ATXN7L1: variants seen among roughly 807,000 people sequenced by gnomAD.
ATXN7L1 encodes the protein ataxin 7 like 1.
Under a neutral mutation model 70.8 loss-of-function variants are expected in ATXN7L1, and 15 were observed. The observed-to-expected ratio is 0.21, with a 90% CI of 0.14 to 0.33. ATXN7L1 has a LOEUF of 0.33. Ranked by LOEUF, ATXN7L1 falls within the 10% of genes least tolerant of loss-of-function variation. ATXN7L1 has a pLI of 1.00. For synonymous variants in ATXN7L1, 440 were observed against 445.1 expected, an observed-to-expected ratio of 0.99 and a Z score of 0.14; for missense variants, 975 against 1,097.1, an observed-to-expected ratio of 0.89 and a Z score of 1.57.
At chr7:105,734,854 G>C (rs2116343653) in intron 3 of ATXN7L1, among the ~76,000 whole-genome samples, 1 of 152,182 alleles carries the variant, frequency 6.6e-6, no homozygotes, top group East Asian at 1.9e-4. Flanking sequence ...GACAAAGCAA[G>C]AAGGTAAAGG....
intron 7 of ATXN7L1, among the ~76,000 whole-genome samples, chr7:105,632,174 A>G (rs1253149497): frequency 6.6e-6 from 1 of 152,228 alleles, no homozygotes; most frequent in African/African-American, 2.4e-5. Context: ...AGACTGCCCA[A>G]CCAAACATCA....
chr7:105,850,758 G>A (rs1814759520), intron 2 of ATXN7L1, among the ~76,000 whole-genome samples: 1 of 152,178 alleles, frequency 6.6e-6, no homozygotes, highest in Non-Finnish European at 1.5e-5. Context: ...GCCTGCAAGA[G>A]AGTCCCTCTC....
At position 105,665,089 on chromosome 7, in the gene ATXN7L1, C is replaced by T. The variant is rs965887070; in HGVS notation, c.555G>A (p.Ala185=). ...ACCATGGTTTATCCCTTGATCCTTT[C>T]GCAGGAAAGACTGTGTGCTGTTTGC... ...SSSKQHTVFP[A]KGSRDKPCVP... Residue 185 remains alanine, a synonymous_variant, in exon 4 of 12, where the codon GCG becomes GCA. Coordinates refer to ENST00000419735, the MANE Select transcript of ATXN7L1 (RefSeq NM_020725.2). The T allele has an allele frequency of 1.5e-5, 24 of 1,551,152 alleles. No individual in the cohort carries two copies. Among genetic ancestry groups the T allele is most frequent in the South Asian group, 2.4e-5 (2 of 84,002 alleles).
At chr7:105,850,560 G>C (rs1814725117) in intron 2 of ATXN7L1, among the ~76,000 whole-genome samples, 1 of 152,224 alleles carries the variant, frequency 6.6e-6, no homozygotes, top group South Asian at 2.1e-4. Flanking sequence ...AGAGGTTATA[G>C]GACTTTCCTC....
chr7:105,727,783 C>CAT (rs1563042613), intron 3 of ATXN7L1, among the ~76,000 whole-genome samples: 18 of 53,772 alleles, frequency 3.3e-4, no homozygotes, highest in South Asian at 8.9e-4. Flanking sequence ...TATATACACA[C>CAT]ACATACACAC....
chr7:105,744,109 A>G (rs1798308812), intron 3 of ATXN7L1, among the ~76,000 whole-genome samples: 2 of 152,142 alleles, frequency 1.3e-5, no homozygotes, highest in Non-Finnish European at 2.9e-5. Context: ...GTTAAAAAAC[A>G]GAAACATCAT....
rs544409064 is a variant in ATXN7L1, at chr7:105,717,488, T to C, written c.356-52200A>G. Reference sequence around the variant, plus strand: ...TGTAGCCTATATTGTTTGTTATTCATATTGGTTGCAATTTTTTGCTATTAT... The same window carrying C: ...TGTAGCCTATATTGTTTGTTATTCACATTGGTTGCAATTTTTTGCTATTAT... On this transcript the variant is annotated intron_variant, in intron 3 of 11. Transcript: ENST00000419735. Among the ~76,000 whole-genome samples the C allele has an allele frequency of 5.1e-4, 77 of 152,360 alleles. No individual in the cohort carries two copies. The South Asian group carries it at 0.016, about 31-fold the overall frequency.
At chr7:105,610,194 T>C (rs529716923) in intron 11 of ATXN7L1, among the ~76,000 whole-genome samples, 1 of 152,346 alleles carries the variant, frequency 6.6e-6, no homozygotes, top group Admixed American at 6.5e-5. Context: ...CGTACGCTCA[T>C]ACAGCTGGTA....
intron 2 of ATXN7L1, among the ~76,000 whole-genome samples, chr7:105,804,422 C>T (rs911564622): frequency 6.6e-6 from 1 of 152,138 alleles, no homozygotes; most frequent in African/African-American, 2.4e-5. Flanking sequence ...GCTGTGTTCA[C>T]AAGAAGGAAG....
intron 2 of ATXN7L1, among the ~76,000 whole-genome samples, chr7:105,792,101 C>A (rs1359264027): frequency 1.3e-5 from 2 of 152,220 alleles, no homozygotes; most frequent in African/African-American, 4.8e-5. Context: ...CCGTCTCCCC[C>A]ACCCCCACAG....
chr7:105,653,160 A>G (rs897480504), intron 4 of ATXN7L1, among the ~76,000 whole-genome samples: 3 of 152,104 alleles, frequency 2.0e-5, no homozygotes, highest in African/African-American at 7.2e-5. Flanking sequence ...TTTAATCTCT[A>G]TGTTAGCAAT....
At chr7:105,620,393 A>T (rs987558524) in intron 8 of ATXN7L1, 72 bp from the exon 9 acceptor site, 105 of 1,409,780 alleles carry the variant, frequency 7.4e-5, no homozygotes, top group Non-Finnish European at 9.7e-5. Context: ...GAGAAAAATA[A>T]CATTTACATA....
At chr7:105,672,140 G>A (rs796619982) in intron 3 of ATXN7L1, among the ~76,000 whole-genome samples, 6 of 151,996 alleles carry the variant, frequency 3.9e-5, no homozygotes, top group African/African-American at 1.4e-4. Flanking sequence ...ACAGAAATTA[G>A]CTGGGTGTGA....
At chr7:105,715,060 C>T (rs1227291545) in intron 3 of ATXN7L1, among the ~76,000 whole-genome samples, 1 of 152,162 alleles carries the variant, frequency 6.6e-6, no homozygotes, top group South Asian at 2.1e-4. Context: ...GTCCATGTCA[C>T]CCATGGGTCC....
At chr7:105,806,450 T>C (rs1412242411) in intron 2 of ATXN7L1, among the ~76,000 whole-genome samples, 3 of 152,136 alleles carry the variant, frequency 2.0e-5, no homozygotes, top group Non-Finnish European at 4.4e-5. Flanking sequence ...TGGTACTTTC[T>C]TATAGCAGCC....
At chr7:105,703,496 G>A (rs979604225) in intron 3 of ATXN7L1, among the ~76,000 whole-genome samples, 34 of 152,088 alleles carry the variant, frequency 2.2e-4, no homozygotes, top group African/African-American at 8.2e-4. Flanking sequence ...ATCCATATTT[G>A]GTCCAACATT....
chr7:105,621,619 C>T (rs116207438), intron 8 of ATXN7L1, among the ~76,000 whole-genome samples: 1,604 of 152,302 alleles, frequency 0.011, 38 homozygotes, highest in African/African-American at 0.037. Context: ...GATGTTAGGG[C>T]AACCGGAAGG....
At chr7:105,642,783 T>G in intron 5 of ATXN7L1, 55 bp downstream of exon 5, 5 of 1,491,522 alleles carry the variant, frequency 3.4e-6, no homozygotes, top group Non-Finnish European at 4.5e-6. Flanking sequence ...TCGTTATGGC[T>G]GCGACTCCCT....
chr7:105,731,748 A>AAAAAGAAAAGAAAAGAG (rs1796563086), intron 3 of ATXN7L1, among the ~76,000 whole-genome samples: 1 of 106,964 alleles, frequency 9.3e-6, no homozygotes, highest in African/African-American at 4.4e-5. Context: ...CTTACTCCTT[A>AAAAAGAAAAGAAAAGAG]AAAAGAAAAG....
Sources: allele counts gnomAD v4.1 joint callset (sites outside exome capture counted in the v4.1 genomes callset), GRCh38; gene constraint gnomAD v4.1.1; transcripts MANE v1.5; gene names NCBI Gene and HGNC (gene_info 2026-07-23, HGNC 2026-07-21).